Variants in XKR9 observed in about 807,000 individuals in gnomAD.
XKR9 encodes the protein XK related 9.
Under a neutral mutation model 32.0 loss-of-function variants are expected in XKR9, and 32 were observed. The observed-to-expected ratio is 1.00, with a 90% CI of 0.76 to 1.34. The LOEUF (loss-of-function observed/expected upper bound fraction) is 1.34. XKR9 is among the 40% of genes most tolerant of loss of function. XKR9 has a pLI of 0.00. For synonymous variants in XKR9, 168 were observed against 143.4 expected, an observed-to-expected ratio of 1.17 and a Z score of -1.22; for missense variants, 546 against 429.7, an observed-to-expected ratio of 1.27 and a Z score of -2.39.
At chr8:70,798,952 C>T in the XKR9 span, among the ~76,000 whole-genome samples, 1 of 152,160 alleles carries the variant, frequency 6.6e-6, no homozygotes, top group Admixed American at 6.5e-5. Flanking sequence ...GTTACTGAAG[C>T]CTTGTAGTAT....
chr8:70,899,906 T>G, the XKR9 span, among the ~76,000 whole-genome samples: 1 of 152,158 alleles, frequency 6.6e-6, no homozygotes, highest in Non-Finnish European at 1.5e-5. Context: ...CTTGTTATAT[T>G]TTTTGAGAGT....
intron 3 of XKR9, among the ~76,000 whole-genome samples, chr8:70,701,202 G>A (rs1396620833): frequency 2.6e-5 from 4 of 152,096 alleles, no homozygotes; most frequent in South Asian, 4.1e-4. Flanking sequence ...ACTGTCCTGC[G>A]CCCACTCTCT....
chr8:70,717,090 A>G (rs1476348512), intron 4 of XKR9, among the ~76,000 whole-genome samples: 1 of 152,190 alleles, frequency 6.6e-6, no homozygotes, highest in East Asian at 1.9e-4. Flanking sequence ...GTGGACTCCT[A>G]TGGCCTTGGC....
At chr8:70,845,070 G>T in the XKR9 span, among the ~76,000 whole-genome samples, 17 of 152,148 alleles carry the variant, frequency 1.1e-4, no homozygotes, top group African/African-American at 1.9e-4. Flanking sequence ...CCACCACTGG[G>T]GTCCAAGGAG....
intron 3 of XKR9, among the ~76,000 whole-genome samples, chr8:70,694,186 A>C (rs1438747235): frequency 6.6e-6 from 1 of 152,216 alleles, no homozygotes; most frequent in Admixed American, 6.5e-5. Flanking sequence ...AGGCACCTGT[A>C]GGGAGTGGCT....
chr8:70,707,399 A>G (rs989056822), intron 4 of XKR9, among the ~76,000 whole-genome samples: 4 of 152,050 alleles, frequency 2.6e-5, no homozygotes, highest in Non-Finnish European at 5.9e-5. Context: ...TTTTAAAAGC[A>G]TATGTCCTTT....
chr8:70,776,923 TTCTCTCTC>T (rs369388439), intron 2 of XKR9, among the ~76,000 whole-genome samples: 1 of 59,620 alleles, frequency 1.7e-5, no homozygotes, highest in Non-Finnish European at 3.2e-5. Flanking sequence ...TTCTCTTTCT[TTCTCTCTC>T]TCTCTCTCTC....
At chr8:71,001,480 C>T in the XKR9 span, among the ~76,000 whole-genome samples, 1 of 152,132 alleles carries the variant, frequency 6.6e-6, no homozygotes, top group Admixed American at 6.5e-5. Context: ...CTAGGCTGGT[C>T]TCAAACTCCT....
At chr8:71,064,893 A>G in the XKR9 span, among the ~76,000 whole-genome samples, 6 of 152,150 alleles carry the variant, frequency 3.9e-5, no homozygotes, top group African/African-American at 1.4e-4. Flanking sequence ...TGTTATAAAG[A>G]CAGCTATTAA....
the XKR9 span, among the ~76,000 whole-genome samples, chr8:70,914,735 A>G: frequency 6.6e-6 from 1 of 152,140 alleles, no homozygotes. Context: ...ATTAAGCCCA[A>G]TTTATAAATT....
At chr8:70,819,508 C>A in the XKR9 span, among the ~76,000 whole-genome samples, 1 of 152,126 alleles carries the variant, frequency 6.6e-6, no homozygotes, top group East Asian at 1.9e-4. Flanking sequence ...GACTGTTGTT[C>A]TTGGAATTTA....
chr8:70,882,199 A>G, the XKR9 span, among the ~76,000 whole-genome samples: 1 of 152,140 alleles, frequency 6.6e-6, no homozygotes, highest in East Asian at 1.9e-4. Flanking sequence ...AACATGGTTC[A>G]TGTATACCTA....
the XKR9 span, among the ~76,000 whole-genome samples, chr8:70,999,969 G>T: frequency 6.6e-6 from 1 of 152,200 alleles, no homozygotes; most frequent in East Asian, 1.9e-4. Flanking sequence ...CTTTTAAAAT[G>T]AATCAATTTC....
At chr8:70,952,797 G>A in the XKR9 span, among the ~76,000 whole-genome samples, 48,409 of 152,148 alleles carry the variant, frequency 0.32, 9,039 homozygotes, top group Non-Finnish European at 0.43. Flanking sequence ...CAGCCTGATA[G>A]AGCTGTGCTC....
At chr8:70,851,617 GA>G in the XKR9 span, among the ~76,000 whole-genome samples, 1 of 152,090 alleles carries the variant, frequency 6.6e-6, no homozygotes, top group South Asian at 2.1e-4. Context: ...AGAGGCCTCA[GA>G]AAAAACACAA....
At chr8:71,019,122 C>A in the XKR9 span, among the ~76,000 whole-genome samples, 1 of 151,966 alleles carries the variant, frequency 6.6e-6, no homozygotes, top group Non-Finnish European at 1.5e-5. Context: ...GGGGAAATAC[C>A]TTCTTTCTTT....
intron 4 of XKR9, 69 bp from the exon 5 acceptor site, chr8:70,733,727 A>G: frequency 7.4e-7 from 1 of 1,357,592 alleles, no homozygotes; most frequent in Middle Eastern, 2.7e-4. Flanking sequence ...TATAGCATGT[A>G]TGGGATATAG....
the XKR9 span, among the ~76,000 whole-genome samples, chr8:70,934,752 G>C: frequency 6.6e-6 from 1 of 151,698 alleles, no homozygotes; most frequent in Admixed American, 6.6e-5. Context: ...AGACTAACTG[G>C]ACACCAAGAA....
chr8:70,850,307 A>G, the XKR9 span, among the ~76,000 whole-genome samples: 1 of 151,852 alleles, frequency 6.6e-6, no homozygotes, highest in Non-Finnish European at 1.5e-5. Context: ...TAAAAATACA[A>G]AACATTAGCT....
Sources: gnomAD v4.1 joint callset for allele counts (sites outside exome capture counted in the v4.1 genomes callset) on GRCh38, gnomAD v4.1.1 for gene constraint, MANE v1.5 for transcripts, NCBI Gene and HGNC (gene_info 2026-07-23, HGNC 2026-07-21) for gene names.